KLHDC4: variants seen among roughly 807,000 people sequenced by gnomAD.
KLHDC4 encodes the protein kelch domain-containing protein 4.
A neutral mutation model predicts 62.4 loss-of-function variants in KLHDC4; 90 were observed. The observed-to-expected ratio is 1.44, with a 90% CI of 1.22 to 1.72. KLHDC4 has a LOEUF of 1.72. Ranked by LOEUF, KLHDC4 falls within the 40% of genes most tolerant of loss-of-function variation. The probability of loss-of-function intolerance (pLI) is 0.00; values close to 1 mark genes in which losing one functional copy is unlikely to be tolerated. For synonymous variants in KLHDC4, 386 were observed against 284.4 expected (o/e 1.36, Z -3.59); for missense variants, 1,025 against 699.7 (o/e 1.47, Z -5.25).
At chr16:87,705,228 G>A (rs1017492997), downstream of KLHDC4, among the ~76,000 whole-genome samples, 17 of 152,240 alleles carry the variant, frequency 1.1e-4, no homozygotes, top group African/African-American at 3.1e-4. Context: ...CTTTCGTGCC[G>A]GCCGCTCACG....
chr16:87,760,900 G>A (rs1454789317), intron 2 of KLHDC4, among the ~76,000 whole-genome samples: 1 of 152,014 alleles, frequency 6.6e-6, no homozygotes, highest in Non-Finnish European at 1.5e-5. Context: ...GGGTATGGTG[G>A]CTGGCGCCTG....
intron 7 of KLHDC4, among the ~76,000 whole-genome samples, chr16:87,718,571 G>C (rs1376263659): frequency 6.6e-6 from 1 of 151,628 alleles, no homozygotes; most frequent in South Asian, 2.1e-4. Context: ...ATCTCGGCTC[G>C]CTACAACCCC....
chr16:87,731,653 T>G (rs2040395485), intron 5 of KLHDC4, among the ~76,000 whole-genome samples: 1 of 149,878 alleles, frequency 6.7e-6, no homozygotes, highest in Non-Finnish European at 1.5e-5. Context: ...CGTAACACAG[T>G]GAAACAACGG....
At chr16:87,713,537 G>T (rs1008221178) in intron 8 of KLHDC4, among the ~76,000 whole-genome samples, 4 of 152,154 alleles carry the variant, frequency 2.6e-5, no homozygotes, top group Admixed American at 6.5e-5. Context: ...AGAAATTAAT[G>T]ATTGAAAAGT....
chr16:87,723,336 G>A (rs1425798950), intron 7 of KLHDC4, among the ~76,000 whole-genome samples: 1 of 152,248 alleles, frequency 6.6e-6, no homozygotes, highest in East Asian at 1.9e-4. Context: ...ACTGAACTAA[G>A]TGGATTGAGA....
Position 87,723,376 on chromosome 16 carries a change from A to G in KLHDC4, c.759+3389T>C, listed in dbSNP as rs577051738. 3.9e-5 allele frequency among the ~76,000 whole-genome samples: 6 copies of G among 152,380 alleles called. No individual in the cohort carries two copies. The South Asian group carries it at 8.3e-4, about 21-fold the overall frequency. ...CCACCGTCAGACTGAGGGCGGGTGCACGTGGCTGCAGACAGCAGCTGCTGA... is the reference window on the plus strand; with the variant it reads ...CCACCGTCAGACTGAGGGCGGGTGCGCGTGGCTGCAGACAGCAGCTGCTGA... On this transcript the variant is annotated intron_variant, in intron 7 of 11. Coordinates refer to ENST00000270583, the MANE Select transcript of KLHDC4 (RefSeq NM_017566.4).
At chr16:87,754,309 G>A (rs1567816318) in intron 4 of KLHDC4, among the ~76,000 whole-genome samples, 1 of 152,126 alleles carries the variant, frequency 6.6e-6, no homozygotes, top group African/African-American at 2.4e-5. Flanking sequence ...TCAGGCCATT[G>A]CACTCCAGCC....
chr16:87,764,475 C>G (rs1187972482), intron 1 of KLHDC4, among the ~76,000 whole-genome samples: 1 of 151,644 alleles, frequency 6.6e-6, no homozygotes, highest in African/African-American at 2.4e-5. Flanking sequence ...AACGGTGAAA[C>G]CCGGTCTCTA....
downstream of KLHDC4, among the ~76,000 whole-genome samples, chr16:87,705,643 A>G (rs375396781): frequency 3.7e-4 from 57 of 152,386 alleles, 1 homozygote; most frequent in East Asian, 4.8e-3. Flanking sequence ...TCTGAAAGAA[A>G]AACTGTCTCT....
intron 5 of KLHDC4, among the ~76,000 whole-genome samples, chr16:87,738,054 G>A (rs575311681): frequency 9.1e-4 from 139 of 152,226 alleles, no homozygotes; most frequent in Non-Finnish European, 1.7e-3. Flanking sequence ...TAGACCCCAG[G>A]TTACTGTGGA....
At chr16:87,717,798 C>T (rs1337719965) in intron 7 of KLHDC4, among the ~76,000 whole-genome samples, 4 of 152,236 alleles carry the variant, frequency 2.6e-5, no homozygotes, top group Admixed American at 1.3e-4. Context: ...CAAATCGCTG[C>T]TTAGCTTCGG....
In KLHDC4 at chr16:87,748,953, C is replaced by T. The variant is rs192174001; in HGVS notation, c.370-144G>A. Reference sequence around the variant, plus strand: ...CCCCACACTCAGCCACTTTCCTCTCCTGCCTCTAAGGGGAGGATTCCAGAC... The same window carrying T: ...CCCCACACTCAGCCACTTTCCTCTCTTGCCTCTAAGGGGAGGATTCCAGAC... On this transcript the variant is annotated intron_variant, in intron 4 of 11. Coordinates refer to ENST00000270583, the MANE Select transcript of KLHDC4 (RefSeq NM_017566.4). 234 of 920,618 alleles carry T rather than the reference C, an allele frequency of 2.5e-4. No homozygotes were observed. The African/African-American group carries it at 3.6e-3, about 14-fold the overall frequency. 57.0% of individuals were successfully genotyped at this position (920,618 alleles called of 1,614,324 possible).
chr16:87,741,163 G>A (rs2042181807), intron 5 of KLHDC4, among the ~76,000 whole-genome samples: 1 of 152,236 alleles, frequency 6.6e-6, no homozygotes, highest in African/African-American at 2.4e-5. Context: ...TTGCTAGAAT[G>A]GAGAAGACAA....
At chr16:87,736,427 T>C (rs2041321317) in intron 5 of KLHDC4, among the ~76,000 whole-genome samples, 1 of 152,172 alleles carries the variant, frequency 6.6e-6, no homozygotes, top group African/African-American at 2.4e-5. Context: ...AAAGGAGCAA[T>C]TCCTGCCGGA....
At chr16:87,703,606 A>G (rs986092815), downstream of KLHDC4, among the ~76,000 whole-genome samples, 1 of 152,008 alleles carries the variant, frequency 6.6e-6, no homozygotes, top group Non-Finnish European at 1.5e-5. Flanking sequence ...TGCGCTTCTC[A>G]CCCCTCAGTG....
intron 7 of KLHDC4, among the ~76,000 whole-genome samples, chr16:87,723,356 G>A (rs1438351892): frequency 3.9e-5 from 6 of 152,352 alleles, no homozygotes; most frequent in South Asian, 2.1e-4. Context: ...ATCACCCACC[G>A]TCAGACTGAG....
At chr16:87,703,060 G>A (rs2034233435), downstream of KLHDC4, 1 of 152,234 alleles carries the variant, frequency 6.6e-6, no homozygotes, top group African/African-American at 2.4e-5. Flanking sequence ...GTGACACTTT[G>A]GAACGCTTCT....
rs138403162 is a variant in KLHDC4 at position 87,708,459 on chromosome 16, C to G, written c.1455G>C (p.Gln485His). The G allele has an allele frequency of 6.2e-7, 1 of 1,602,400 alleles. No individual in the cohort carries two copies. The part of the protein sequence containing the change: ...KALVEMDPET[Q>H]EWLEETDSEE... The stretch of plus-strand genomic sequence containing the variant: ...CCGAGTCCGTCTCCTCCAGCCACTC[C>G]TGAGTTTCTTCAAAAGCAGAATGAA... The change falls in exon 11 of 12, where the codon CAG becomes CAC. Residue 485 changes from glutamine to histidine, a missense_variant. Gln to His is a conservative substitution (Grantham distance 24, BLOSUM62 0). Coordinates refer to ENST00000270583, the MANE Select transcript of KLHDC4 (RefSeq NM_017566.4).
chr16:87,749,728 C>T (rs2043620395), intron 4 of KLHDC4, among the ~76,000 whole-genome samples: 1 of 152,126 alleles, frequency 6.6e-6, no homozygotes, highest in Non-Finnish European at 1.5e-5. Flanking sequence ...GGACGACAGG[C>T]ATGTGACATC....
Sources: allele counts gnomAD v4.1 joint callset (sites outside exome capture counted in the v4.1 genomes callset), GRCh38; gene constraint gnomAD v4.1.1; transcripts MANE v1.5; gene names NCBI Gene and HGNC (gene_info 2026-07-23, HGNC 2026-07-21).